The following MAP1B variants were observed in gnomAD, a reference collection of about 807,000 sequenced individuals.
MAP1B encodes the protein microtubule associated protein 1B.
A neutral mutation model predicts 176.1 loss-of-function variants in MAP1B; 12 were observed. The ratio of observed to expected loss-of-function variants is 0.07; its 90% CI spans 0.04 to 0.11. MAP1B has a LOEUF of 0.11. Among genes scored for constraint, MAP1B ranks in the 10% least tolerant of loss-of-function variants. The pLI, the probability that MAP1B is intolerant of heterozygous loss-of-function variation, is 1.00. For missense variants in MAP1B, 2,523 were observed against 2,990.5 expected (o/e 0.84, Z 3.65); for synonymous variants, 1,044 against 1,135.0 (o/e 0.92, Z 1.61).
intron 2 of MAP1B, among the ~76,000 whole-genome samples, chr5:72,159,208 T>G (rs183979122): frequency 6.6e-6 from 1 of 152,226 alleles, no homozygotes; most frequent in Non-Finnish European, 1.5e-5. Context: ...AAAACAGTCC[T>G]AGATGAAAGA....
chr5:72,140,333 A>G (rs570994650), intron 2 of MAP1B, among the ~76,000 whole-genome samples: 33 of 152,334 alleles, frequency 2.2e-4, no homozygotes, highest in African/African-American at 7.9e-4. Flanking sequence ...TAAAATTGAA[A>G]CAAAAGTTTA....
chr5:72,164,758 G>T (rs1414903029), intron 2 of MAP1B, among the ~76,000 whole-genome samples: 1 of 152,148 alleles, frequency 6.6e-6, no homozygotes, highest in Non-Finnish European at 1.5e-5. Context: ...AAGGCTTGTG[G>T]TCTTAAACAG....
intron 2 of MAP1B, among the ~76,000 whole-genome samples, chr5:72,121,067 C>T (rs181756938): frequency 1.0e-3 from 153 of 152,256 alleles, no homozygotes; most frequent in East Asian, 5.8e-3. Context: ...AGCAAAAAGC[C>T]GGCAATGCTT....
At chr5:72,181,955 A>C (rs907047064) in intron 2 of MAP1B, among the ~76,000 whole-genome samples, 2 of 147,292 alleles carry the variant, frequency 1.4e-5, no homozygotes, top group Admixed American at 1.4e-4. Flanking sequence ...CGAACTCCTG[A>C]CCTCGTGATC....
At position 72,115,812 on chromosome 5, in the gene MAP1B, C is replaced by T. The variant is rs1243380085; in HGVS notation, c.286+13C>T. 6.3e-7 allele frequency: 1 copy of T among 1,582,142 alleles called. No homozygotes were observed. On this transcript the variant is annotated intron_variant, in intron 2 of 6. Coordinates refer to ENST00000296755, the MANE Select transcript of MAP1B (RefSeq NM_005909.5). ...CCTGAAGTCCCAGGTGAGGCTTCCG[C>T]TCAGTGTTGGTCAGCCTAGAATTCC...
At chr5:72,123,780 G>A (rs1045920017) in intron 2 of MAP1B, among the ~76,000 whole-genome samples, 9 of 152,092 alleles carry the variant, frequency 5.9e-5, no homozygotes, top group East Asian at 3.9e-4. Context: ...CACCGCACCC[G>A]GCCTATGCCC....
chr5:72,124,184 C>G (rs1745583201), intron 2 of MAP1B, among the ~76,000 whole-genome samples: 1 of 152,136 alleles, frequency 6.6e-6, no homozygotes. Flanking sequence ...CATCATACTC[C>G]AGGGCTTACC....
intron 2 of MAP1B, among the ~76,000 whole-genome samples, chr5:72,130,690 G>A (rs1003029010): frequency 6.6e-6 from 1 of 152,148 alleles, no homozygotes; most frequent in Non-Finnish European, 1.5e-5. Context: ...AGCACTTAAG[G>A]AATGGAACCG....
At chr5:72,143,626 A>G (rs1745989457) in intron 2 of MAP1B, among the ~76,000 whole-genome samples, 2 of 152,246 alleles carry the variant, frequency 1.3e-5, no homozygotes, top group South Asian at 2.1e-4. Flanking sequence ...GTACTCTTCT[A>G]TGTTAGTTCC....
In MAP1B at chr5:72,197,489, C is replaced by T. The variant is rs1277736373; in HGVS notation, c.4134C>T (p.Ser1378=). The change falls in exon 5 of 7, where the codon AGC becomes AGT. Residue 1378 remains serine (S), a synonymous_variant. Coordinates refer to ENST00000296755, the MANE Select transcript of MAP1B (RefSeq NM_005909.5). ...AKDENERASV[S]PMDEPVPDSE... Reference sequence around the variant, plus strand: ...ATGAGAATGAAAGGGCTTCAGTAAGCCCCATGGATGAGCCCGTGCCTGACT... The same window carrying T: ...ATGAGAATGAAAGGGCTTCAGTAAGTCCCATGGATGAGCCCGTGCCTGACT... 12 of 1,614,042 alleles carry T rather than the reference C, an allele frequency of 7.4e-6. No homozygotes were observed. The highest frequency in any genetic ancestry group is 1.7e-5 in the Admixed American group (1 of 60,014).
intron 4 of MAP1B, among the ~76,000 whole-genome samples, chr5:72,191,392 A>T (rs1747023927): frequency 6.6e-6 from 1 of 152,230 alleles, no homozygotes; most frequent in South Asian, 2.1e-4. Flanking sequence ...TATGGTTCTC[A>T]TCTATTCATT....
At chr5:72,179,025 C>T (rs1462069180) in intron 2 of MAP1B, among the ~76,000 whole-genome samples, 1 of 152,106 alleles carries the variant, frequency 6.6e-6, no homozygotes, top group African/African-American at 2.4e-5. Context: ...TTTGGGAGAG[C>T]ACAAACAAAA....
At chr5:72,129,184 A>ATG (rs1264589173) in intron 2 of MAP1B, among the ~76,000 whole-genome samples, 1 of 152,192 alleles carries the variant, frequency 6.6e-6, no homozygotes, top group Non-Finnish European at 1.5e-5. Flanking sequence ...ATGTAATTGT[A>ATG]TGTGTGTGTG....
chr5:72,132,886 C>T (rs1745760274), intron 2 of MAP1B, among the ~76,000 whole-genome samples: 1 of 152,132 alleles, frequency 6.6e-6, no homozygotes, highest in Admixed American at 6.5e-5. Context: ...TTGTTTCCTC[C>T]TTCCTGTATA....
rs1410485381 is a variant in MAP1B, at chr5:72,193,916, C to T, written c.561C>T (p.Thr187=). 1.9e-6 allele frequency: 3 copies of T among 1,613,720 alleles called. No individual in the cohort carries two copies. The East Asian group carries it at 6.7e-5, about 36-fold the overall frequency. The stretch of plus-strand genomic sequence containing the variant: ...ATCCTGCCAACAAAGCCAGCTTAAC[C>T]CTGTTCTGTCCTGAAGAAGGGGACT... ...TTHPANKASL[T]LFCPEEGDWK... is the part of the protein sequence containing the mutation. The change falls in exon 5 of 7, where the codon ACC becomes ACT. Residue 187 remains threonine (T), a synonymous_variant. Coordinates refer to ENST00000296755, the MANE Select transcript of MAP1B (RefSeq NM_005909.5).
chr5:72,201,828 C>T (rs1474422323), intron 5 of MAP1B, among the ~76,000 whole-genome samples: 2 of 152,150 alleles, frequency 1.3e-5, no homozygotes, highest in African/African-American at 4.8e-5. Context: ...GCACATTTGG[C>T]CTTTCTACAT....
At chr5:72,128,235 T>G (rs1388992262) in intron 2 of MAP1B, among the ~76,000 whole-genome samples, 1 of 152,088 alleles carries the variant, frequency 6.6e-6, no homozygotes, top group Non-Finnish European at 1.5e-5. Context: ...ACTGTAAACA[T>G]GAGGGTGTGC....
At chr5:72,132,082 A>G (rs28508368) in intron 2 of MAP1B, among the ~76,000 whole-genome samples, 58,807 of 152,028 alleles carry the variant, frequency 0.39, 11,654 homozygotes, top group East Asian at 0.44. Context: ...TTTAGAACCA[A>G]TGGCCCTTGT....
chr5:72,179,161 G>T (rs1746714950), intron 2 of MAP1B, among the ~76,000 whole-genome samples: 2 of 152,128 alleles, frequency 1.3e-5, no homozygotes, highest in Admixed American at 6.5e-5. Flanking sequence ...CGCCACCCAG[G>T]TCGAGGCTTC....
Sources: gnomAD v4.1 joint callset for allele counts (sites outside exome capture counted in the v4.1 genomes callset) on GRCh38, gnomAD v4.1.1 for gene constraint, MANE v1.5 for transcripts, NCBI Gene and HGNC (gene_info 2026-07-23, HGNC 2026-07-21) for gene names.